The following LARGE1 variants were observed in gnomAD, a reference collection of about 807,000 sequenced individuals.
LARGE1 encodes the protein LARGE xylosyl- and glucuronyltransferase 1.
Under a neutral mutation model 87.6 loss-of-function variants are expected in LARGE1, and 43 were observed. The ratio of observed to expected loss-of-function variants is 0.49; its 90% confidence interval spans 0.38 to 0.63. The LOEUF (loss-of-function observed/expected upper bound fraction) is 0.63. Among genes scored for constraint, LARGE1 ranks in the 30% least tolerant of loss-of-function variants. The pLI is 0.00. For synonymous variants in LARGE1, 434 were observed against 394.6 expected (o/e 1.10, Z -1.18); for missense variants, 802 against 1,000.2 (o/e 0.80, Z 2.67).
chr22:33,759,549 T>C (rs1293450709), intron 2 of LARGE1, among the ~76,000 whole-genome samples: 1 of 152,134 alleles, frequency 6.6e-6, no homozygotes, highest in Non-Finnish European at 1.5e-5. Context: ...TAGAAGTCCT[T>C]ATAACAATAC....
chr22:33,558,693 C>A (rs1189334628), intron 6 of LARGE1, among the ~76,000 whole-genome samples: 1 of 152,146 alleles, frequency 6.6e-6, no homozygotes, highest in African/African-American at 2.4e-5. Flanking sequence ...AAAGACAAGA[C>A]CTGAAGAAAC....
At chr22:33,449,090 C>A (rs1055863766) in intron 6 of LARGE1, among the ~76,000 whole-genome samples, 1 of 152,142 alleles carries the variant, frequency 6.6e-6, no homozygotes, top group African/African-American at 2.4e-5. Context: ...ATACTGCCTT[C>A]CTTTTTACTG....
chr22:33,334,423 C>CA (rs919216084), intron 10 of LARGE1, among the ~76,000 whole-genome samples: 163 of 52,322 alleles, frequency 3.1e-3, no homozygotes, highest in South Asian at 7.3e-3. Flanking sequence ...AAAAAAAAAA[C>CA]AAAAAAAAAA....
At chr22:33,888,945 TG>T (rs1244143924) in intron 1 of LARGE1, among the ~76,000 whole-genome samples, 1 of 152,234 alleles carries the variant, frequency 6.6e-6, no homozygotes, top group African/African-American at 2.4e-5. Flanking sequence ...AAGAGACTGG[TG>T]GTTTTTGAGT....
intron 11 of LARGE1, among the ~76,000 whole-genome samples, chr22:33,221,420 C>T (rs1429156884): frequency 6.6e-6 from 1 of 152,156 alleles, no homozygotes; most frequent in African/African-American, 2.4e-5. Context: ...AATTTTGCTG[C>T]TTCTTAGCAT....
chr22:33,074,944 A>C, the LARGE1 span, among the ~76,000 whole-genome samples: 7 of 152,328 alleles, frequency 4.6e-5, no homozygotes, highest in South Asian at 1.2e-3. Flanking sequence ...TAACATAGGC[A>C]TGTGATAGTT....
chr22:33,477,481 A>C (rs2069129230), intron 6 of LARGE1, among the ~76,000 whole-genome samples: 1 of 152,184 alleles, frequency 6.6e-6, no homozygotes, highest in Non-Finnish European at 1.5e-5. Flanking sequence ...CTGTATTCCA[A>C]ATAAGGTAAA....
intron 4 of LARGE1, among the ~76,000 whole-genome samples, chr22:33,617,266 C>G (rs1199981143): frequency 6.6e-6 from 1 of 152,192 alleles, no homozygotes. Flanking sequence ...TCTTTATATG[C>G]GTGACTTCTG....
chr22:33,507,984 C>A (rs889735006), intron 6 of LARGE1, among the ~76,000 whole-genome samples: 1 of 152,204 alleles, frequency 6.6e-6, no homozygotes, highest in Non-Finnish European at 1.5e-5. Flanking sequence ...TGACTAACTT[C>A]CCTAATTTTA....
At chr22:33,271,335 A>C (rs1357639243), downstream of LARGE1, among the ~76,000 whole-genome samples, 3 of 152,228 alleles carry the variant, frequency 2.0e-5, no homozygotes. Context: ...TATATTAACC[A>C]TGTGAATTTG....
At chr22:33,241,497 G>A (rs1328792012) in intron 11 of LARGE1, among the ~76,000 whole-genome samples, 2 of 151,744 alleles carry the variant, frequency 1.3e-5, no homozygotes, top group Non-Finnish European at 1.5e-5. Context: ...TATGTATTAA[G>A]TGAATGGATA....
chr22:33,534,491 C>G (rs1368841629), intron 6 of LARGE1, among the ~76,000 whole-genome samples: 7 of 152,104 alleles, frequency 4.6e-5, no homozygotes, highest in Non-Finnish European at 8.8e-5. Context: ...TCAAGAAACC[C>G]CAGCTAGCGG....
chr22:33,444,295 T>G (rs2067603462), intron 6 of LARGE1, among the ~76,000 whole-genome samples: 1 of 152,268 alleles, frequency 6.6e-6, no homozygotes, highest in African/African-American at 2.4e-5. Flanking sequence ...ATTGTTAAAT[T>G]GTAAAATAAC....
At chr22:33,757,811 A>T (rs2084575651) in intron 2 of LARGE1, among the ~76,000 whole-genome samples, 1 of 152,212 alleles carries the variant, frequency 6.6e-6, no homozygotes, top group Non-Finnish European at 1.5e-5. Flanking sequence ...TGTGATGTTT[A>T]ATTACAAAGA....
chr22:33,662,394 T>C (rs2081153095), intron 2 of LARGE1, among the ~76,000 whole-genome samples: 1 of 152,126 alleles, frequency 6.6e-6, no homozygotes, highest in African/African-American at 2.4e-5. Context: ...TGCACCATAT[T>C]CTCGGGGCCC....
intron 1 of LARGE1, among the ~76,000 whole-genome samples, chr22:33,907,359 C>G (rs541221558): frequency 7.2e-5 from 11 of 152,306 alleles, no homozygotes; most frequent in African/African-American, 2.4e-4. Flanking sequence ...GGCACTGCTG[C>G]TAAGCTCCTG....
chr22:33,594,423 T>C (rs1327525856), intron 5 of LARGE1, among the ~76,000 whole-genome samples: 1 of 152,190 alleles, frequency 6.6e-6, no homozygotes, highest in Non-Finnish European at 1.5e-5. Context: ...ACTCCTCAAC[T>C]CTAGCCTTTT....
chr22:33,314,919 T>C (rs1030253389), intron 11 of LARGE1, among the ~76,000 whole-genome samples: 2 of 152,172 alleles, frequency 1.3e-5, no homozygotes, highest in African/African-American at 4.8e-5. Flanking sequence ...TTTAAAAATA[T>C]ATAAATTGGG....
chr22:33,313,817 C>T (rs1160412744), intron 11 of LARGE1, among the ~76,000 whole-genome samples: 1 of 152,196 alleles, frequency 6.6e-6, no homozygotes, highest in African/African-American at 2.4e-5. Flanking sequence ...AGATTTCAGT[C>T]CTGAGACCCT....
Sources: gnomAD v4.1 joint callset for allele counts (sites outside exome capture counted in the v4.1 genomes callset) on GRCh38, gnomAD v4.1.1 for gene constraint, MANE v1.5 for transcripts, NCBI Gene and HGNC (gene_info 2026-07-23, HGNC 2026-07-21) for gene names.